Variants in PPP1R12B observed in about 807,000 individuals in gnomAD.
PPP1R12B encodes myosin phosphatase target subunit 2.
In PPP1R12B, 76 loss-of-function variants were observed where a neutral mutation model predicts 126.1. The ratio of observed to expected loss-of-function variants is 0.60; its 90% CI spans 0.50 to 0.73. PPP1R12B has a LOEUF of 0.73. Among genes scored for constraint, PPP1R12B ranks in the 30% least tolerant of loss-of-function variants. The pLI, the probability that PPP1R12B is intolerant of heterozygous loss-of-function variation, is 0.00. For missense variants in PPP1R12B, 1,052 were observed against 1,205.1 expected, an observed-to-expected ratio of 0.87 and a Z score of 1.88; for synonymous variants, 356 against 434.7, an observed-to-expected ratio of 0.82 and a Z score of 2.25.
chr1:202,489,689 A>G (rs1315883785), intron 14 of PPP1R12B, among the ~76,000 whole-genome samples: 1 of 152,208 alleles, frequency 6.6e-6, no homozygotes, highest in Non-Finnish European at 1.5e-5. Flanking sequence ...GATTAGTGCC[A>G]GGGCTGGGGG....
chr1:202,495,935 A>C (rs1378897883), intron 17 of PPP1R12B, among the ~76,000 whole-genome samples: 1 of 152,188 alleles, frequency 6.6e-6, no homozygotes, highest in East Asian at 1.9e-4. Context: ...GAATTAAAAA[A>C]CTGGAAATAT....
In PPP1R12B at chr1:202,542,725, C is replaced by T. The variant is rs114412642; in HGVS notation, c.2491-16152C>T. Among the ~76,000 whole-genome samples, 1,344 of 152,240 alleles carry T rather than the reference C, an allele frequency of 8.8e-3. 14 individuals carry two copies. The highest frequency in any genetic ancestry group is 0.012 in the Non-Finnish European group (815 of 68,018). On this transcript the variant is annotated intron_variant, in intron 18 of 23. Transcript: ENST00000608999. ...CTCTGGGACCATGGAGCCCACAGAACCTGAGACCTTATGGGCTTCAGGGTC... is the reference window on the plus strand; with the variant it reads ...CTCTGGGACCATGGAGCCCACAGAATCTGAGACCTTATGGGCTTCAGGGTC...
intron 13 of PPP1R12B, 48 bp from the exon 14 acceptor site, chr1:202,488,485 A>G: frequency 2.9e-6 from 4 of 1,381,558 alleles, no homozygotes; most frequent in African/African-American, 2.8e-5. Context: ...TTCCTCAAGT[A>G]TATGCAGCAA....
intron 12 of PPP1R12B, chr1:202,443,210 C>A: frequency 4.1e-5 from 29 of 710,716 alleles, no homozygotes; most frequent in Non-Finnish European, 5.0e-5. Flanking sequence ...GCAAACCAGG[C>A]ACCTTTGCCA....
intron 12 of PPP1R12B, chr1:202,445,107 T>G: frequency 4.8e-6 from 6 of 1,247,262 alleles, no homozygotes; most frequent in Non-Finnish European, 6.1e-6. Context: ...TCGCAATTCA[T>G]CTCCTGCTAC....
At chr1:202,401,836 A>G (rs2148563793) in intron 1 of PPP1R12B, among the ~76,000 whole-genome samples, 1 of 152,318 alleles carries the variant, frequency 6.6e-6, no homozygotes, top group African/African-American at 2.4e-5. Context: ...TCTGTCCTAC[A>G]TAACAGTTGT....
At position 202,348,747 on chromosome 1, in the gene PPP1R12B, C is replaced by G. The variant is rs780522635; in HGVS notation, c.-105C>G. ...AGATGGCGGCGCGAGGGTCTCCGCC[C>G]TCTGCTCCGGGCTGAAGCGCTCTGA... On this transcript the variant is annotated 5_prime_UTR_variant, in exon 1 of 24. Transcript: ENST00000608999. 25 of 1,401,980 alleles carry G rather than the reference C, an allele frequency of 1.8e-5. No homozygotes were observed. The highest frequency in any genetic ancestry group is 3.0e-5 in the South Asian group (2 of 66,944). 86.8% of individuals were successfully genotyped at this position (1,401,980 alleles called of 1,614,324 possible). A position where few individuals can be genotyped will look rare whatever the true frequency, so the allele number is the denominator to read the frequency against.
chr1:202,441,928 C>G (rs1282446270), intron 11 of PPP1R12B, among the ~76,000 whole-genome samples: 1 of 152,004 alleles, frequency 6.6e-6, no homozygotes, highest in Non-Finnish European at 1.5e-5. Context: ...ATGATCTTGG[C>G]TCATTGCAGC....
At chr1:202,413,491 C>A (rs1002771897) in intron 1 of PPP1R12B, among the ~76,000 whole-genome samples, 2 of 152,114 alleles carry the variant, frequency 1.3e-5, no homozygotes, top group South Asian at 2.1e-4. Context: ...CATGAAATAT[C>A]TTTTGGTATG....
chr1:202,359,423 G>A (rs959863762), intron 1 of PPP1R12B, among the ~76,000 whole-genome samples: 1 of 151,742 alleles, frequency 6.6e-6, no homozygotes, highest in Non-Finnish European at 1.5e-5. Context: ...ATGAGCCACC[G>A]TGCCCAGCTT....
chr1:202,351,830 C>T (rs1656068149), intron 1 of PPP1R12B, among the ~76,000 whole-genome samples: 1 of 152,196 alleles, frequency 6.6e-6, no homozygotes, highest in Non-Finnish European at 1.5e-5. Flanking sequence ...AATTTTTCTC[C>T]TCCTACAACG....
At chr1:202,370,958 A>T (rs550498058) in intron 1 of PPP1R12B, among the ~76,000 whole-genome samples, 25 of 143,116 alleles carry the variant, frequency 1.7e-4, no homozygotes, top group Non-Finnish European at 3.2e-4. Flanking sequence ...TTGATATCTG[A>T]TATTGTCATT....
At chr1:202,527,147 C>A (rs1457124364) in intron 18 of PPP1R12B, among the ~76,000 whole-genome samples, 1 of 151,876 alleles carries the variant, frequency 6.6e-6, no homozygotes, top group African/African-American at 2.4e-5. Flanking sequence ...GAAGCTGATT[C>A]TTTGAAAAGA....
At position 202,419,115 on chromosome 1, in the gene PPP1R12B, TC is replaced by T. The variant is rs1668449402; in HGVS notation, c.422+2200del. Among the ~76,000 whole-genome samples the T allele has an allele frequency of 6.6e-6, 1 of 152,200 alleles. No individual in the cohort carries two copies. Among genetic ancestry groups the T allele is most frequent in the Non-Finnish European group, 1.5e-5 (1 of 68,024 alleles). On this transcript the variant is annotated intron_variant, in intron 2 of 23. Transcript: ENST00000608999. This position sits in a 1 kb window ranked among gnomAD's most constrained non-coding sequence, Gnocchi z 4.6. ...AAGCAGGGAGCTTCAGAGGCTTTTTTCCTCATTTTAAAATGAGTTCAGGCTC... is the reference window on the plus strand; with the variant it reads ...AAGCAGGGAGCTTCAGAGGCTTTTTTCTCATTTTAAAATGAGTTCAGGCTC...
intron 1 of PPP1R12B, among the ~76,000 whole-genome samples, chr1:202,393,819 G>A (rs1245585358): frequency 6.6e-6 from 1 of 152,180 alleles, no homozygotes; most frequent in Admixed American, 6.5e-5. Context: ...CCAACACTTT[G>A]GGAGGCCAAG....
chr1:202,428,864 C>G lies in PPP1R12B; in HGVS notation c.856C>G (p.Pro286Ala), dbSNP rs1669870272. ...TCCTTTTCTCTGCCAGGGCCAGACACCATTTGATGTGGCTGATGAGGGTCT... is the reference window on the plus strand; with the variant it reads ...TCCTTTTCTCTGCCAGGGCCAGACAGCATTTGATGTGGCTGATGAGGGTCT... ...MDIRNKLGQT[P>A]FDVADEGLVE... is the part of the protein sequence containing the mutation. The change falls in exon 6 of 24, where the codon CCA becomes GCA. Residue 286 changes from proline (P) to alanine (A), a missense_variant. Coordinates refer to ENST00000608999, the MANE Select transcript of PPP1R12B (RefSeq NM_002481.4). 5 of 1,606,186 alleles carry G rather than the reference C, an allele frequency of 3.1e-6. No homozygotes were observed. Among genetic ancestry groups the G allele is most frequent in the Non-Finnish European group, 4.2e-6 (5 of 1,176,822 alleles).
intron 18 of PPP1R12B, among the ~76,000 whole-genome samples, chr1:202,554,596 G>A (rs946217903): frequency 5.9e-5 from 9 of 151,886 alleles, no homozygotes; most frequent in African/African-American, 2.2e-4. Flanking sequence ...AAAGCTGGAG[G>A]GAATTAGAGA....
chr1:202,475,795 G>A (rs186578584), intron 13 of PPP1R12B, among the ~76,000 whole-genome samples: 2 of 151,964 alleles, frequency 1.3e-5, no homozygotes, highest in East Asian at 3.9e-4. Flanking sequence ...CCCTAAGTCT[G>A]TCCCCCTGCC....
chr1:202,502,101 C>A (rs1229741005), intron 18 of PPP1R12B: 1 of 985,630 alleles, frequency 1.0e-6, no homozygotes, highest in African/African-American at 1.7e-5. Context: ...GGCACTCAAT[C>A]TGAACAAAAT....
Sources: allele counts gnomAD v4.1 joint callset (sites outside exome capture counted in the v4.1 genomes callset), GRCh38; gene constraint gnomAD v4.1.1; non-coding constraint Gnocchi (gnomAD v3.1); transcripts MANE v1.5; gene names NCBI Gene and HGNC (gene_info 2026-07-23, HGNC 2026-07-21).